CA10: variants seen among roughly 807,000 people sequenced by gnomAD.
CA10 encodes carbonic anhydrase 10 (inactive), also known as carbonic anhydrase-related protein 10.
A neutral mutation model predicts 44.2 loss-of-function variants in CA10; 14 were observed. That is an observed-to-expected ratio of 0.32 (90% CI 0.21 to 0.50). CA10 has a LOEUF of 0.50. Ranked by LOEUF, CA10 falls within the 20% of genes least tolerant of loss-of-function variation. The probability of loss-of-function intolerance (pLI) is 0.99; values close to 1 mark genes in which losing one functional copy is unlikely to be tolerated. For missense variants in CA10, 350 were observed against 409.7 expected (o/e 0.85, Z 1.26); for synonymous variants, 159 against 141.6 (o/e 1.12, Z -0.87).
chr17:51,910,812 G>A (rs901254537), intron 3 of CA10, among the ~76,000 whole-genome samples: 7 of 152,112 alleles, frequency 4.6e-5, no homozygotes, highest in African/African-American at 1.7e-4. Context: ...AATGCCAACA[G>A]CAATTCCCCC....
chr17:52,089,956 T>G (rs1326189904), intron 1 of CA10, among the ~76,000 whole-genome samples: 1 of 152,202 alleles, frequency 6.6e-6, no homozygotes, highest in African/African-American at 2.4e-5. Context: ...AATGTTAATA[T>G]TTGCTATTTT....
chr17:52,065,921 A>T (rs2970037), intron 2 of CA10, among the ~76,000 whole-genome samples: 150,774 of 152,322 alleles, frequency 0.99, 74,638 homozygotes, highest in East Asian at 1. Context: ...ACTCCCATGC[A>T]GTTCTCTTGA....
intron 3 of CA10, among the ~76,000 whole-genome samples, chr17:51,893,522 G>T (rs1980948361): frequency 6.6e-6 from 1 of 152,112 alleles, no homozygotes; most frequent in Non-Finnish European, 1.5e-5. Context: ...TTCTGGTAAA[G>T]AATTTAGAAA....
chr17:52,070,920 C>A (rs1286779938), intron 2 of CA10, among the ~76,000 whole-genome samples: 2 of 152,160 alleles, frequency 1.3e-5, no homozygotes. Flanking sequence ...CTTCTTATTA[C>A]CTGGAGAGAA....
intron 4 of CA10, among the ~76,000 whole-genome samples, chr17:51,740,853 T>C (rs1047282809): frequency 2.2e-4 from 34 of 152,334 alleles, no homozygotes; most frequent in Middle Eastern, 6.8e-3. Flanking sequence ...AGGCCTATAC[T>C]GGCCACACTA....
intron 2 of CA10, among the ~76,000 whole-genome samples, chr17:52,051,119 G>GAAAAT (rs892472256): frequency 2.0e-5 from 3 of 150,810 alleles, no homozygotes; most frequent in East Asian, 3.9e-4. Context: ...AAGAAGAAAA[G>GAAAAT]AAAAGAAAAG....
chr17:51,708,239 C>T (rs1209658408), intron 4 of CA10, among the ~76,000 whole-genome samples: 1 of 152,126 alleles, frequency 6.6e-6, no homozygotes, highest in Non-Finnish European at 1.5e-5. Context: ...TGGCTTGGCA[C>T]TGGGTGGGTA....
At chr17:52,116,847 T>C (rs981433199) in intron 1 of CA10, among the ~76,000 whole-genome samples, 4 of 152,154 alleles carry the variant, frequency 2.6e-5, no homozygotes, top group Admixed American at 1.3e-4. Context: ...GTTTATATTA[T>C]CTGTGAAGTT....
At chr17:51,805,369 G>A (rs1344102393) in intron 3 of CA10, among the ~76,000 whole-genome samples, 2 of 152,170 alleles carry the variant, frequency 1.3e-5, no homozygotes, top group African/African-American at 4.8e-5. Context: ...TCCTGAGAAG[G>A]ACAAATACTG....
intron 3 of CA10, among the ~76,000 whole-genome samples, chr17:51,749,405 C>T (rs1424433907): frequency 6.6e-6 from 1 of 152,182 alleles, no homozygotes; most frequent in Non-Finnish European, 1.5e-5. Flanking sequence ...TGCAAATGAG[C>T]CTGGGCTAGC....
intron 3 of CA10, among the ~76,000 whole-genome samples, chr17:51,804,693 C>T (rs1907062366): frequency 6.6e-6 from 1 of 152,180 alleles, no homozygotes; most frequent in African/African-American, 2.4e-5. Context: ...TAAAGTTACA[C>T]ACATCCCACT....
At chr17:52,038,764 C>A (rs1298210414) in intron 2 of CA10, among the ~76,000 whole-genome samples, 1 of 152,154 alleles carries the variant, frequency 6.6e-6, no homozygotes, top group Non-Finnish European at 1.5e-5. Context: ...TCCTGACTTC[C>A]TCCCTGCTCT....
chr17:52,041,226 C>T (rs1986760700), intron 2 of CA10, among the ~76,000 whole-genome samples: 1 of 152,004 alleles, frequency 6.6e-6, no homozygotes, highest in Non-Finnish European at 1.5e-5. Flanking sequence ...ACCATCAATT[C>T]AAAATGGCAA....
chr17:51,763,738 C>T (rs964966479), intron 3 of CA10, among the ~76,000 whole-genome samples: 2 of 151,696 alleles, frequency 1.3e-5, no homozygotes, highest in Non-Finnish European at 2.9e-5. Flanking sequence ...CTTTCAGTTG[C>T]TTATATACAC....
At chr17:52,076,145 A>G (rs947186302) in intron 1 of CA10, among the ~76,000 whole-genome samples, 3 of 152,154 alleles carry the variant, frequency 2.0e-5, no homozygotes, top group South Asian at 2.1e-4. Flanking sequence ...CTCTTCTTAC[A>G]TGTGCATATC....
chr17:51,877,998 G>A (rs1407464183), intron 3 of CA10, among the ~76,000 whole-genome samples: 2 of 151,722 alleles, frequency 1.3e-5, no homozygotes, highest in Non-Finnish European at 2.9e-5. Flanking sequence ...CAAAAAATTA[G>A]CCAGGCATGG....
intron 4 of CA10, among the ~76,000 whole-genome samples, chr17:51,741,193 C>A (rs968151015): frequency 6.6e-6 from 1 of 152,184 alleles, no homozygotes. Flanking sequence ...ACTGGGTGAG[C>A]TCTAGATTGT....
chr17:52,151,782 A>C (rs1485891795), intron 1 of CA10, among the ~76,000 whole-genome samples: 1 of 152,148 alleles, frequency 6.6e-6, no homozygotes, highest in Non-Finnish European at 1.5e-5. Flanking sequence ...ATTCTTATGT[A>C]CATTTTCTAT....
At chr17:51,646,070 A>G (rs1320688940) in intron 6 of CA10, among the ~76,000 whole-genome samples, 1 of 152,240 alleles carries the variant, frequency 6.6e-6, no homozygotes, top group Non-Finnish European at 1.5e-5. Context: ...CTGGAAGCAG[A>G]GCCACCCCTA....
Sources: gnomAD v4.1 joint callset for allele counts (sites outside exome capture counted in the v4.1 genomes callset) on GRCh38, gnomAD v4.1.1 for gene constraint, MANE v1.5 for transcripts, NCBI Gene and HGNC (gene_info 2026-07-23, HGNC 2026-07-21) for gene names.